The following ACSM3 variants were observed in gnomAD, a reference collection of about 807,000 sequenced individuals.
ACSM3 encodes the protein acyl-coenzyme A synthetase ACSM3, mitochondrial.
In ACSM3, 61 loss-of-function variants were observed where a neutral mutation model predicts 74.1. The ratio of observed to expected loss-of-function variants is 0.82; its 90% CI spans 0.67 to 1.02. ACSM3 has a LOEUF of 1.02. Ranked by LOEUF, ACSM3 falls within the 50% of genes least tolerant of loss-of-function variation. ACSM3 has a pLI of 0.00. For synonymous variants in ACSM3, 213 were observed against 241.5 expected (o/e 0.88, Z 1.09); for missense variants, 660 against 697.0 (o/e 0.95, Z 0.60).
intron 1 of ACSM3, among the ~76,000 whole-genome samples, chr16:20,718,108 G>C (rs2079772261): frequency 1.3e-5 from 2 of 151,524 alleles, no homozygotes; most frequent in Non-Finnish European, 2.9e-5. Context: ...GAAGGAAAAG[G>C]AGAAGAAGAA....
At chr16:20,699,923 T>C (rs1460092687) in intron 1 of ACSM3, among the ~76,000 whole-genome samples, 1 of 152,190 alleles carries the variant, frequency 6.6e-6, no homozygotes, top group African/African-American at 2.4e-5. Flanking sequence ...CAACCTCTCT[T>C]AAAGCTAAAG....
chr16:20,781,016 C>G lies in ACSM3; in HGVS notation c.825C>G (p.Thr275=), dbSNP rs747848031. The change falls in exon 6 of 14, where the codon ACC becomes ACG. Residue 275 remains threonine, a synonymous_variant. Coordinates refer to ENST00000289416, the MANE Select transcript of ACSM3 (RefSeq NM_005622.4). ...CACCCTCAGATGTGATGTGGAATAC[C>G]TCAGATACGGGCTGGGCAAAGTCTG... ...DLTPSDVMWN[T]SDTGWAKSAW... 2.5e-6 allele frequency: 4 copies of G among 1,614,060 alleles called. No individual in the cohort carries two copies. The African/African-American group carries it at 5.3e-5, about 22-fold the overall frequency.
At chr16:20,690,760 T>C (rs940331427) in intron 1 of ACSM3, among the ~76,000 whole-genome samples, 2 of 152,224 alleles carry the variant, frequency 1.3e-5, no homozygotes, top group African/African-American at 4.8e-5. Flanking sequence ...TATATTTACC[T>C]ATTTTCTTGT....
intron 1 of ACSM3, among the ~76,000 whole-genome samples, chr16:20,717,652 T>C (rs906187037): frequency 6.6e-6 from 1 of 152,064 alleles, no homozygotes; most frequent in Non-Finnish European, 1.5e-5. Flanking sequence ...TTAACAGCAA[T>C]TTACAAAGAT....
Position 20,776,056 on chromosome 16 carries a change from A to C in ACSM3, c.430+7A>C. ...GTGGCCTGTCTGCGAACAGGTTAGT[A>C]ATGTTTGCTTTCCGATCATATTTAT... On this transcript the variant is annotated splice_region_variant and intron_variant, in intron 3 of 13. Coordinates refer to ENST00000289416, the MANE Select transcript of ACSM3 (RefSeq NM_005622.4). 3.7e-6 allele frequency: 6 copies of C among 1,613,756 alleles called. No homozygotes were observed. The highest frequency in any genetic ancestry group is 5.1e-6 in the Non-Finnish European group (6 of 1,179,754).
chr16:20,688,674 G>A (rs1438914707), intron 1 of ACSM3, among the ~76,000 whole-genome samples: 1 of 151,900 alleles, frequency 6.6e-6, no homozygotes, highest in Non-Finnish European at 1.5e-5. Context: ...CATCCAGAAA[G>A]ATTCTTCAAA....
intron 1 of ACSM3, among the ~76,000 whole-genome samples, chr16:20,767,053 T>C (rs2080133842): frequency 6.6e-6 from 1 of 152,122 alleles, no homozygotes; most frequent in African/African-American, 2.4e-5. Flanking sequence ...TTTCCCTCTG[T>C]ACCTTTTACA....
chr16:20,767,072 G>C (rs1274415530), intron 1 of ACSM3, among the ~76,000 whole-genome samples: 2 of 151,800 alleles, frequency 1.3e-5, no homozygotes, highest in East Asian at 3.9e-4. Flanking sequence ...CAGTTTTTTT[G>C]AGCCATTTGA....
At position 20,792,776 on chromosome 16, in the gene ACSM3, C is replaced by A. The variant is rs142294908; in HGVS notation, c.1554+441C>A. 286 of 897,440 alleles carry A rather than the reference C, an allele frequency of 3.2e-4. 2 individuals are homozygous for A. The African/African-American group carries it at 5.0e-3, about 16-fold the overall frequency. 55.6% of individuals were successfully genotyped at this position (897,440 alleles called of 1,614,324 possible). On this transcript the variant is annotated intron_variant, in intron 12 of 13. Coordinates refer to ENST00000289416, the MANE Select transcript of ACSM3 (RefSeq NM_005622.4). Reference sequence around the variant, plus strand: ...GAACCAGAGGCTGGAACTGAGGTAACCATAAGCAGTCTTGGTAGGTAAATA... The same window carrying A: ...GAACCAGAGGCTGGAACTGAGGTAAACATAAGCAGTCTTGGTAGGTAAATA...
At chr16:20,716,193 C>A (rs1313322820) in intron 1 of ACSM3, among the ~76,000 whole-genome samples, 1 of 152,134 alleles carries the variant, frequency 6.6e-6, no homozygotes, top group South Asian at 2.1e-4. Flanking sequence ...TCCAATGAAG[C>A]AATGGCATAC....
intron 1 of ACSM3, among the ~76,000 whole-genome samples, chr16:20,683,443 T>G (rs2079486439): frequency 6.6e-6 from 1 of 151,822 alleles, no homozygotes; most frequent in Non-Finnish European, 1.5e-5. Context: ...ACATTTCTTC[T>G]CTGCACTAAC....
intron 4 of ACSM3, among the ~76,000 whole-genome samples, chr16:20,779,049 C>A (rs2080296677): frequency 6.6e-6 from 1 of 152,114 alleles, no homozygotes; most frequent in Non-Finnish European, 1.5e-5. Context: ...CTGCGCCCGG[C>A]CTATAGATAG....
intron 1 of ACSM3, among the ~76,000 whole-genome samples, chr16:20,699,646 A>C (rs1284961828): frequency 6.6e-6 from 1 of 152,174 alleles, no homozygotes; most frequent in African/African-American, 2.4e-5. Context: ...TCGGAAAAGA[A>C]TGGAGACGGG....
At chr16:20,686,471 C>T (rs754719296) in intron 1 of ACSM3, among the ~76,000 whole-genome samples, 7 of 152,084 alleles carry the variant, frequency 4.6e-5, no homozygotes, top group South Asian at 2.1e-4. Flanking sequence ...GCCAGTCTGA[C>T]GGGTCAGGGG....
rs1468098996 is a variant in ACSM3, at chr16:20,792,145, A to G, written c.1454+16A>G. 6.2e-7 allele frequency: 1 copy of G among 1,614,092 alleles called. No individual in the cohort carries two copies. Among genetic ancestry groups the G allele is most frequent in the Admixed American group, 1.7e-5 (1 of 60,008 alleles). ...TATCCTCTGGGTAACTTTCTTTTCC[A>G]TATGTGCATATGTCTGTGTTAACTG... On this transcript the variant is annotated intron_variant, in intron 11 of 13. Transcript: ENST00000289416.
intron 9 of ACSM3, among the ~76,000 whole-genome samples, chr16:20,787,646 C>A (rs2080503410): frequency 6.6e-6 from 1 of 152,206 alleles, no homozygotes; most frequent in African/African-American, 2.4e-5. Context: ...GCTGCTGTAA[C>A]TCTTTATAGA....
At chr16:20,703,339 T>C (rs965712771) in intron 1 of ACSM3, 2 of 152,230 alleles carry the variant, frequency 1.3e-5, no homozygotes, top group African/African-American at 2.4e-5. Context: ...TTTTTTCTAA[T>C]TCTGCAAAGA....
intron 7 of ACSM3, 105 bp downstream of exon 7, chr16:20,781,892 C>G (rs1378039447): frequency 2.5e-6 from 2 of 805,760 alleles, no homozygotes; most frequent in African/African-American, 1.7e-5. Context: ...CCAGTAGACA[C>G]AGGATTTAGC....
Position 20,796,886 on chromosome 16 carries a change from G to A in ACSM3, c.1675G>A (p.Val559Ile). The change falls in exon 14 of 14, where the codon GTA becomes ATA. Residue 559 changes from valine to isoleucine, a missense_variant and splice_region_variant. Coordinates refer to ENST00000289416, the MANE Select transcript of ACSM3 (RefSeq NM_005622.4). ...TTAPYKYPRK[V>I]EFIQELPKTI... is the part of the protein sequence containing the mutation. ...ATTTTCTTCCCCTTGATGCCAACAG[G>A]TAGAATTTATTCAAGAGCTGCCAAA... The A allele has an allele frequency of 6.2e-7, 1 of 1,611,520 alleles. No individual in the cohort carries two copies. Among genetic ancestry groups the A allele is most frequent in the Non-Finnish European group, 8.5e-7 (1 of 1,179,124 alleles).
Sources: allele counts gnomAD v4.1 joint callset (sites outside exome capture counted in the v4.1 genomes callset), GRCh38; gene constraint gnomAD v4.1.1; transcripts MANE v1.5; gene names NCBI Gene and HGNC (gene_info 2026-07-23, HGNC 2026-07-21).